Variants in PGM3 observed in about 807,000 individuals in gnomAD.
The protein encoded by PGM3 is phosphoacetylglucosamine mutase.
Under a neutral mutation model 66.2 loss-of-function variants are expected in PGM3, and 40 were observed. The ratio of observed to expected loss-of-function variants is 0.60; its 90% CI spans 0.47 to 0.79. The LOEUF is 0.79. Among genes scored for constraint, PGM3 ranks in the 30% least tolerant of loss-of-function variants. The pLI is 0.00. For missense variants in PGM3, 537 were observed against 643.4 expected (o/e 0.83, Z 1.79); for synonymous variants, 191 against 224.2 (o/e 0.85, Z 1.32).
At chr6:83,156,313 C>CGA (rs112028320), downstream of PGM3, among the ~76,000 whole-genome samples, 1,347 of 152,176 alleles carry the variant, frequency 8.9e-3, 18 homozygotes, top group African/African-American at 0.031. Flanking sequence ...AATGTGGTCT[C>CGA]TATTTTATTG....
chr6:83,173,410 C>A (rs1262399819), intron 10 of PGM3, among the ~76,000 whole-genome samples: 1 of 152,076 alleles, frequency 6.6e-6, no homozygotes, highest in Admixed American at 6.5e-5. Flanking sequence ...ACTCATTTTT[C>A]TTTTTATAAA....
At chr6:83,190,689 C>CAT in intron 2 of PGM3, 120 bp downstream of exon 2, 1 of 767,714 alleles carries the variant, frequency 1.3e-6, no homozygotes, top group Non-Finnish European at 2.2e-6. Context: ...ATCCAAAGCA[C>CAT]ATATAAATGA....
downstream of PGM3, among the ~76,000 whole-genome samples, chr6:83,157,968 T>TA (rs1783189028): frequency 6.6e-6 from 1 of 152,048 alleles, no homozygotes; most frequent in African/African-American, 2.4e-5. Flanking sequence ...TCCCTGCAAA[T>TA]ATAATTGCTT....
the PGM3 span, chr6:83,152,086 A>C: frequency 1.3e-6 from 2 of 1,598,126 alleles, no homozygotes; most frequent in Non-Finnish European, 1.7e-6. Context: ...TTACTAAGAA[A>C]TCATTTTGCC....
intron 9 of PGM3, 134 bp from the exon 10 acceptor site, chr6:83,174,621 A>G (rs1001680723): frequency 1.3e-4 from 71 of 535,446 alleles, no homozygotes; most frequent in African/African-American, 1.3e-3. Flanking sequence ...TGGCAGCCTT[A>G]AAATGTATGA....
the PGM3 span, among the ~76,000 whole-genome samples, chr6:83,152,991 A>G: frequency 6.6e-6 from 1 of 152,072 alleles, no homozygotes; most frequent in African/African-American, 2.4e-5. Context: ...TTTCATGTAC[A>G]TTGTCTGACA....
rs1786402346 is a variant in PGM3, at chr6:83,168,588, T to A, written c.*646A>T. On this transcript the variant is annotated 3_prime_UTR_variant, in exon 13 of 13. Coordinates refer to ENST00000513973, the MANE Select transcript of PGM3 (RefSeq NM_015599.3). ...CTCCATCAGAGGCTGGGAAACGTAT[T>A]ATAATTAGTTTTTCTCCCACATACC... is the stretch of plus-strand genomic sequence containing the variant. The A allele has an allele frequency of 1.0e-6, 1 of 997,768 alleles. No homozygotes were observed. Among genetic ancestry groups the A allele is most frequent in the African/African-American group, 1.7e-5 (1 of 57,316 alleles). The allele number at this position is 997,768 out of a possible 1,614,324, so 61.8% of individuals were successfully genotyped here.
At chr6:83,157,455 G>A, downstream of PGM3, 7 of 895,658 alleles carry the variant, frequency 7.8e-6, no homozygotes, top group South Asian at 9.0e-5. Flanking sequence ...GCTTTTTACA[G>A]TTGAAAATAG....
chr6:83,152,322 A>G, the PGM3 span: 1 of 1,574,918 alleles, frequency 6.3e-7, no homozygotes, highest in Non-Finnish European at 8.6e-7. Context: ...CCGCAAACAT[A>G]ACTCCTTCTG....
chr6:83,191,792 C>T (rs964778640), intron 1 of PGM3, among the ~76,000 whole-genome samples: 1 of 151,704 alleles, frequency 6.6e-6, no homozygotes, highest in African/African-American at 2.4e-5. Flanking sequence ...AGTTTGAAAC[C>T]AGCCTGGCCA....
chr6:83,176,918 G>T (rs1756675841), intron 8 of PGM3, among the ~76,000 whole-genome samples: 1 of 152,144 alleles, frequency 6.6e-6, no homozygotes, highest in Admixed American at 6.5e-5. Context: ...CCTGTGAAAG[G>T]CAGGCAAATG....
downstream of PGM3, among the ~76,000 whole-genome samples, chr6:83,157,895 A>G (rs1405937914): frequency 6.6e-6 from 1 of 152,224 alleles, no homozygotes; most frequent in African/African-American, 2.4e-5. Flanking sequence ...TTGGGGAGTT[A>G]GGAAAGAGGA....
At chr6:83,157,052 A>G, downstream of PGM3, 6 of 789,182 alleles carry the variant, frequency 7.6e-6, no homozygotes, top group Non-Finnish European at 1.2e-5. Flanking sequence ...GAAAATATCT[A>G]CAACAGTTTT....
chr6:83,183,764 C>T (rs546381316), intron 4 of PGM3, among the ~76,000 whole-genome samples: 1 of 151,696 alleles, frequency 6.6e-6, no homozygotes, highest in Non-Finnish European at 1.5e-5. Context: ...TTCACCGTAT[C>T]GCTCAGGCTG....
rs564629178 is a variant in PGM3 at position 83,167,466 on chromosome 6, C to G, written c.*1768G>C. On this transcript the variant is annotated 3_prime_UTR_variant, in exon 13 of 13. Transcript: ENST00000513973. The stretch of plus-strand genomic sequence containing the variant: ...GATATATTATGAAATGTATAAAGCA[C>G]TTTGTTCCTTTTTTCTGTAGTAATT... 15 of 990,212 alleles carry G rather than the reference C, an allele frequency of 1.5e-5. No individual in the cohort carries two copies. The South Asian group carries it at 6.5e-4, about 43-fold the overall frequency. The allele number at this position is 990,212 out of a possible 1,614,324, so 61.3% of individuals were successfully genotyped here.
chr6:83,191,138 G>A, intron 1 of PGM3, 124 bp from the exon 2 acceptor site: 1 of 1,477,784 alleles, frequency 6.8e-7, no homozygotes, highest in South Asian at 1.2e-5. Context: ...AGAACCCTAT[G>A]TTTGACAGAG....
intron 3 of PGM3, among the ~76,000 whole-genome samples, chr6:83,187,529 C>G (rs1253810757): frequency 6.6e-6 from 1 of 152,148 alleles, no homozygotes; most frequent in African/African-American, 2.4e-5. Flanking sequence ...ACAAAACTGC[C>G]TTGGCCAGGC....
rs1785843788 is a variant in PGM3, at chr6:83,166,918, T to C, written c.*2316A>G. On this transcript the variant is annotated 3_prime_UTR_variant, in exon 13 of 13. Transcript: ENST00000513973. ...AAGTCTTCATGATTTCTTCCTTCTG[T>C]CTAGTTCATTGCTTATTTTCATTCT... 4 of 988,398 alleles carry C rather than the reference T, an allele frequency of 4.0e-6. No homozygotes were observed. Among genetic ancestry groups the C allele is most frequent in the Non-Finnish European group, 4.8e-6 (4 of 832,062 alleles). The allele number at this position is 988,398 out of a possible 1,614,324, so 61.2% of individuals were successfully genotyped here. A position where few individuals can be genotyped will look rare whatever the true frequency, so the allele number is the denominator to read the frequency against.
intron 5 of PGM3, 34 bp downstream of exon 5, chr6:83,182,811 G>A (rs764890551): frequency 3.1e-6 from 5 of 1,594,200 alleles, no homozygotes; most frequent in Non-Finnish European, 4.3e-6. Flanking sequence ...TTATTCATTT[G>A]TTTAACTTTA....
Sources: gnomAD v4.1 joint callset for allele counts (sites outside exome capture counted in the v4.1 genomes callset) on GRCh38, gnomAD v4.1.1 for gene constraint, MANE v1.5 for transcripts, NCBI Gene and HGNC (gene_info 2026-07-23, HGNC 2026-07-21) for gene names.